The following IL1RAPL1 variants were observed in gnomAD, a reference collection of about 807,000 sequenced individuals.
The protein encoded by IL1RAPL1 is interleukin-1 receptor accessory protein-like 1.
IL1RAPL1 carries 3 observed loss-of-function variants against 48.4 expected under a neutral mutation model. That is an observed-to-expected ratio of 0.06 (90% CI 0.03 to 0.16). IL1RAPL1 has a LOEUF of 0.16. IL1RAPL1 is among the 10% of genes least tolerant of loss of function. The probability of loss-of-function intolerance (pLI) is 1.00; values close to 1 mark genes in which losing one functional copy is unlikely to be tolerated. For missense variants in IL1RAPL1, 349 were observed against 530.6 expected (o/e 0.66, Z 3.36); for synonymous variants, 185 against 187.7 (o/e 0.99, Z 0.12).
chrX:29,051,946 C>T (rs1281370594), intron 2 of IL1RAPL1, among the ~76,000 whole-genome samples: 1 of 111,941 alleles, frequency 8.9e-6, no homozygotes, highest in Non-Finnish European at 1.9e-5. Context: ...TATTTCTTTG[C>T]TCAGATTTCT....
chrX:29,561,373 G>T (rs1283616149), intron 5 of IL1RAPL1, among the ~76,000 whole-genome samples: 1 of 112,190 alleles, frequency 8.9e-6, no homozygotes, highest in African/African-American at 3.2e-5. Flanking sequence ...TGCATCTTTT[G>T]ATGTTCATGG....
intron 3 of IL1RAPL1, among the ~76,000 whole-genome samples, chrX:29,286,415 C>T (rs1478351661): frequency 8.9e-6 from 1 of 111,788 alleles, no homozygotes; most frequent in Non-Finnish European, 1.9e-5. Flanking sequence ...GGTGTGGTGG[C>T]TCACACCTGT....
At chrX:29,597,084 C>T (rs753639365) in intron 5 of IL1RAPL1, among the ~76,000 whole-genome samples, 14 of 109,506 alleles carry the variant, frequency 1.3e-4, no homozygotes, top group Non-Finnish European at 2.7e-4. Flanking sequence ...ATGAAACCCA[C>T]TTGATAATGG....
intron 2 of IL1RAPL1, among the ~76,000 whole-genome samples, chrX:28,994,315 G>A (rs1381533537): frequency 9.0e-6 from 1 of 111,489 alleles, no homozygotes; most frequent in Non-Finnish European, 1.9e-5. Context: ...TCATAAAAGT[G>A]GGGGAATAGG....
intron 2 of IL1RAPL1, among the ~76,000 whole-genome samples, chrX:29,103,234 A>G (rs757579024): frequency 1.8e-4 from 20 of 112,085 alleles, no homozygotes; most frequent in Non-Finnish European, 3.2e-4. Context: ...GCTACAGGCC[A>G]CTGTAATCAA....
chrX:28,695,114 C>G (rs1193733381), intron 1 of IL1RAPL1, among the ~76,000 whole-genome samples: 1 of 111,764 alleles, frequency 8.9e-6, no homozygotes, highest in Non-Finnish European at 1.9e-5. Flanking sequence ...CTGCTTATAA[C>G]ACAAAAGCCA....
At chrX:29,166,225 G>T (rs750252755) in intron 2 of IL1RAPL1, among the ~76,000 whole-genome samples, 11 of 112,206 alleles carry the variant, frequency 9.8e-5, no homozygotes, top group Non-Finnish European at 2.1e-4. Flanking sequence ...TCATAGTCTG[G>T]TGGTTCACAG....
At chrX:28,748,490 G>A (rs995313202) in intron 1 of IL1RAPL1, among the ~76,000 whole-genome samples, 1 of 111,557 alleles carries the variant, frequency 9.0e-6, no homozygotes, top group Non-Finnish European at 1.9e-5. Context: ...TCTTAGGACT[G>A]TATGTTCAAC....
intron 5 of IL1RAPL1, among the ~76,000 whole-genome samples, chrX:29,443,835 G>A (rs1216109571): frequency 9.0e-6 from 1 of 111,253 alleles, no homozygotes; most frequent in Non-Finnish European, 1.9e-5. Context: ...TCCTCAAGGA[G>A]CTTAGTCTAG....
intron 3 of IL1RAPL1, among the ~76,000 whole-genome samples, chrX:29,344,291 G>T (rs1249901722): frequency 9.0e-6 from 1 of 111,659 alleles, no homozygotes; most frequent in East Asian, 2.8e-4. Context: ...AATTGAAAAA[G>T]AAATAAATTA....
intron 1 of IL1RAPL1, among the ~76,000 whole-genome samples, chrX:28,593,115 G>A (rs1933921401): frequency 9.0e-6 from 1 of 111,535 alleles, no homozygotes; most frequent in Admixed American, 9.5e-5. Context: ...CAACCACATG[G>A]CTCAGTGGAC....
intron 2 of IL1RAPL1, among the ~76,000 whole-genome samples, chrX:28,893,883 G>A (rs1209778503): frequency 1.8e-5 from 2 of 111,438 alleles, no homozygotes; most frequent in Non-Finnish European, 3.8e-5. Context: ...ATTGATAGGT[G>A]GAAGTTTCAG....
At chrX:28,729,912 C>T (rs192678360) in intron 1 of IL1RAPL1, among the ~76,000 whole-genome samples, 4 of 110,986 alleles carry the variant, frequency 3.6e-5, no homozygotes, top group East Asian at 5.7e-4. Flanking sequence ...AGGAGAATGG[C>T]GTGAACCCAG....
chrX:28,889,730 C>A (rs1183740424), intron 2 of IL1RAPL1, among the ~76,000 whole-genome samples: 1 of 111,247 alleles, frequency 9.0e-6, no homozygotes, highest in Non-Finnish European at 1.9e-5. Context: ...AATAGATTCA[C>A]CCTCTTTGTT....
chrX:29,234,983 G>C (rs1569266096), intron 2 of IL1RAPL1, among the ~76,000 whole-genome samples: 1 of 112,037 alleles, frequency 8.9e-6, no homozygotes, highest in East Asian at 2.8e-4. Flanking sequence ...TGGCACCCTT[G>C]TGTTTCCTGC....
chrX:28,733,924 A>C (rs1935787030), intron 1 of IL1RAPL1, among the ~76,000 whole-genome samples: 1 of 111,857 alleles, frequency 8.9e-6, no homozygotes, highest in African/African-American at 3.2e-5. Context: ...TATCCTCCTC[A>C]GAACTGGTTC....
intron 6 of IL1RAPL1, among the ~76,000 whole-genome samples, chrX:29,682,687 C>T (rs1408826587): frequency 8.9e-6 from 1 of 112,293 alleles, no homozygotes; most frequent in African/African-American, 3.2e-5. Context: ...ATCTGATGCA[C>T]AGAAATAAAT....
At position 28,959,981 on chromosome X, in the gene IL1RAPL1, A is replaced by G. The variant is rs1601978656; in HGVS notation, c.82+170556A>G. ...CTACATATGTTTATACCATGGCTCA[A>G]ATGGAGAGAAGAGGACCCAGGTAAC... On this transcript the variant is annotated intron_variant, in intron 2 of 10. Transcript: ENST00000378993. Among the ~76,000 whole-genome samples, 4 of 112,049 alleles carry G rather than the reference A, an allele frequency of 3.6e-5. No homozygotes were observed. In the East Asian group the frequency reaches 1.1e-3, roughly 31 times the overall value.
At chrX:29,423,155 C>T (rs1052475216) in intron 5 of IL1RAPL1, among the ~76,000 whole-genome samples, 4 of 111,658 alleles carry the variant, frequency 3.6e-5, no homozygotes, top group African/African-American at 9.8e-5. Flanking sequence ...TCTATTGATT[C>T]CAAGTCTTAG....
Sources: allele counts gnomAD v4.1 joint callset (sites outside exome capture counted in the v4.1 genomes callset), GRCh38; gene constraint gnomAD v4.1.1; transcripts MANE v1.5; gene names NCBI Gene and HGNC (gene_info 2026-07-23, HGNC 2026-07-21).